Variants in HUWE1 observed in about 807,000 individuals in gnomAD.
HUWE1 encodes the protein HECT, UBA and WWE domain containing E3 ubiquitin protein ligase 1.
HUWE1 carries 18 observed loss-of-function variants against 299.4 expected under a neutral mutation model. That is an observed-to-expected ratio of 0.06 (90% CI 0.04 to 0.09). HUWE1 has a LOEUF of 0.09. Ranked by LOEUF, HUWE1 falls within the 10% of genes least tolerant of loss-of-function variation. The pLI, the probability that HUWE1 is intolerant of heterozygous loss-of-function variation, is 1.00. For synonymous variants in HUWE1, 1,317 were observed against 1,286.1 expected (o/e 1.02, Z -0.51); for missense variants, 1,832 against 3,462.3 (o/e 0.53, Z 11.82).
chrX:53,533,609 A>G, intron 83 of HUWE1, 198 bp from the exon 84 acceptor site: 1 of 462,561 alleles, frequency 2.2e-6, no homozygotes, highest in Non-Finnish European at 3.9e-6. Flanking sequence ...AAAACCAAAA[A>G]TCTGACCCTG....
At position 53,552,411 on chromosome X, in the gene HUWE1, G is replaced by T. The variant is rs1556929955; in HGVS notation, c.8781C>A (p.Ser2927=). ...SSPPASSESS[S]TRDSAVAISG... is the part of the protein sequence containing the mutation. ...AAATGGCCACGGCAGAATCTCTGGT[G>T]GAAGAGCTCTCAGAGGATGCAGGTG... The change falls in exon 63 of 84, where the codon TCC becomes TCA. Residue 2927 remains serine, a synonymous_variant. Transcript: ENST00000262854. The T allele has an allele frequency of 4.1e-6, 5 of 1,211,179 alleles. No homozygotes were observed. Among genetic ancestry groups the T allele is most frequent in the Non-Finnish European group, 5.6e-6 (5 of 895,070 alleles).
At chrX:53,606,030 A>T (rs2065132744) in intron 25 of HUWE1, among the ~76,000 whole-genome samples, 1 of 112,010 alleles carries the variant, frequency 8.9e-6, no homozygotes, top group South Asian at 3.7e-4. Context: ...GCTGCAAAAC[A>T]TCGGATTTGG....
intron 3 of HUWE1, among the ~76,000 whole-genome samples, chrX:53,662,613 C>T (rs782022281): frequency 1.8e-5 from 2 of 112,060 alleles, no homozygotes; most frequent in Non-Finnish European, 3.8e-5. Flanking sequence ...CAGTACCTAG[C>T]ACGGTATCTT....
intron 53 of HUWE1, 150 bp downstream of exon 53, chrX:53,562,681 A>G: frequency 2.0e-6 from 1 of 501,945 alleles, no homozygotes; most frequent in Admixed American, 3.0e-5. Context: ...AAACTGGCTG[A>G]GGATAAAGTG....
At chrX:53,609,573 T>C (rs781792316) in intron 23 of HUWE1, among the ~76,000 whole-genome samples, 1 of 112,464 alleles carries the variant, frequency 8.9e-6, no homozygotes, top group Non-Finnish European at 1.9e-5. Context: ...TGCTTCAATA[T>C]TGCACAGCAG....
chrX:53,543,751 C>T, intron 73 of HUWE1, 90 bp downstream of exon 73: 1 of 1,176,734 alleles, frequency 8.5e-7, no homozygotes, highest in Non-Finnish European at 1.2e-6. Context: ...CAAAAGCATA[C>T]AAGGTAAAGG....
chrX:53,658,610 A>T (rs2068857493), intron 3 of HUWE1, among the ~76,000 whole-genome samples: 3 of 112,034 alleles, frequency 2.7e-5, no homozygotes, highest in African/African-American at 9.7e-5. Flanking sequence ...AATATAATGG[A>T]CAAAAGATAG....
intron 73 of HUWE1, among the ~76,000 whole-genome samples, chrX:53,543,313 A>T (rs2061427114): frequency 9.0e-6 from 1 of 110,942 alleles, no homozygotes; most frequent in East Asian, 2.8e-4. Context: ...CCGGGACCCC[A>T]ACACTGAGCT....
chrX:53,659,640 AC>A (rs1173966845), intron 3 of HUWE1, among the ~76,000 whole-genome samples: 1 of 111,820 alleles, frequency 8.9e-6, no homozygotes, highest in African/African-American at 3.3e-5. Context: ...ATGTGTCTAA[AC>A]CCCAAAAGTA....
At chrX:53,616,633 T>C (rs1453060130) in intron 21 of HUWE1, among the ~76,000 whole-genome samples, 6 of 111,453 alleles carry the variant, frequency 5.4e-5, no homozygotes, top group African/African-American at 2.0e-4. Context: ...TCTTAGAGAG[T>C]TGGACATCAG....
chrX:53,626,106 A>G (rs2066484732), intron 17 of HUWE1: 3 of 342,593 alleles, frequency 8.8e-6, no homozygotes, highest in East Asian at 1.7e-4. Flanking sequence ...TTTGTTTGAG[A>G]AAATTTCTTC....
intron 24 of HUWE1, 56 bp from the exon 25 acceptor site, chrX:53,607,755 C>T: frequency 4.9e-6 from 4 of 811,157 alleles, no homozygotes; most frequent in Non-Finnish European, 7.3e-6. Flanking sequence ...AACTAAATGG[C>T]CAGCCTGGAA....
At chrX:53,544,939 G>T in intron 71 of HUWE1, 90 bp downstream of exon 71, 1 of 1,062,139 alleles carries the variant, frequency 9.4e-7, no homozygotes. Context: ...AAATCACCCA[G>T]AGAAATAAAA....
chrX:53,560,092 G>A (rs1556939357), intron 56 of HUWE1, 96 bp downstream of exon 56: 1 of 711,579 alleles, frequency 1.4e-6, no homozygotes, highest in African/African-American at 2.1e-5. Context: ...AGAACATTAA[G>A]TGATGGACTA....
rs1475249872 is a variant in HUWE1, at chrX:53,544,544, C to T, written c.11251+16G>A. The T allele has an allele frequency of 1.2e-5, 14 of 1,187,037 alleles. No homozygotes were observed. Among genetic ancestry groups the T allele is most frequent in the Non-Finnish European group, 1.6e-5 (14 of 879,507 alleles). ...CCACCAACCCTTCCCCTCAACTGGA[C>T]ACTCTAGTTCCATACCTAGCCTGCC... On this transcript the variant is annotated intron_variant, in intron 72 of 83. Coordinates refer to ENST00000262854, the MANE Select transcript of HUWE1 (RefSeq NM_031407.7).
At chrX:53,673,025 T>G (rs1201446707) in intron 3 of HUWE1, among the ~76,000 whole-genome samples, 1 of 112,099 alleles carries the variant, frequency 8.9e-6, no homozygotes, top group Admixed American at 9.5e-5. Context: ...AAACAAGAGT[T>G]AACAAGAAAA....
At position 53,576,889 on chromosome X, in the gene HUWE1, T is replaced by C. The variant is rs1556959249; in HGVS notation, c.5884+11A>G. ...TAGTGCCCAGCCTCCTGAGGTAGGC[T>C]AGCCACATACCTTCCTCTGGAGCAT... On this transcript the variant is annotated intron_variant, in intron 44 of 83. Transcript: ENST00000262854. 1 of 1,210,328 alleles carries C rather than the reference T, an allele frequency of 8.3e-7. No homozygotes were observed. Among genetic ancestry groups the C allele is most frequent in the Non-Finnish European group, 1.1e-6 (1 of 894,367 alleles).
intron 25 of HUWE1, among the ~76,000 whole-genome samples, chrX:53,606,657 G>T (rs140309304): frequency 6.3e-5 from 7 of 111,777 alleles, no homozygotes; most frequent in Non-Finnish European, 1.3e-4. Flanking sequence ...ACAAGGGAAG[G>T]AAATTATGAC....
intron 19 of HUWE1, among the ~76,000 whole-genome samples, chrX:53,619,590 GAAAAAAAAAAA>G (rs35685121): frequency 2.4e-5 from 1 of 41,166 alleles, no homozygotes; most frequent in Non-Finnish European, 4.6e-5. Flanking sequence ...AGAAATAGAA[GAAAAAAAAAAA>G]AAAAAAAAAA....
Sources: allele counts gnomAD v4.1 joint callset (sites outside exome capture counted in the v4.1 genomes callset), GRCh38; gene constraint gnomAD v4.1.1; transcripts MANE v1.5; gene names NCBI Gene and HGNC (gene_info 2026-07-23, HGNC 2026-07-21).